GDF1: variants seen among roughly 807,000 people sequenced by gnomAD.
The protein encoded by GDF1 is embryonic growth/differentiation factor 1.
GDF1 carries 8 observed loss-of-function variants against 7.4 expected under a neutral mutation model. The observed-to-expected ratio is 1.09, with a 90% CI of 0.64 to 1.96. The LOEUF is 1.96. GDF1 is among the 30% of genes most tolerant of loss of function. The pLI, the probability that GDF1 is intolerant of heterozygous loss-of-function variation, is 0.00. For missense variants in GDF1, 574 were observed against 551.5 expected (o/e 1.04, Z -0.41); for synonymous variants, 311 against 276.7 (o/e 1.12, Z -1.23).
At position 18,870,749 on chromosome 19, in the gene GDF1, G is replaced by A. The variant is rs1253180707; in HGVS notation, c.-312-130C>T. ...CCCGGCCAGGCCCGGGCCTCGCCTT[G>A]TGGCTTCCTCCTCGCCTTCACCCTG... On this transcript the variant is annotated intron_variant, in intron 6 of 7. Coordinates refer to ENST00000247005, the MANE Select transcript of GDF1 (RefSeq NM_001492.6). The surrounding 1 kb of genome is among the most constrained non-coding windows in gnomAD (Gnocchi z 5.1). 2.2e-6 allele frequency: 1 copy of A among 444,780 alleles called. No homozygotes were observed. Among genetic ancestry groups the A allele is most frequent in the Non-Finnish European group, 4.1e-6 (1 of 245,760 alleles). The allele number at this position is 444,780 out of a possible 1,614,324, so 27.6% of individuals were successfully genotyped here.
Position 18,879,052 on chromosome 19 carries a change from A to G in GDF1, c.-422-13T>C. On this transcript the variant is annotated splice_polypyrimidine_tract_variant and intron_variant, in intron 5 of 7. Coordinates refer to ENST00000247005, the MANE Select transcript of GDF1 (RefSeq NM_001492.6). ...ACGCCACGATGTACTGCGAGAGGGG[A>G]GGGGAGGTGCCAGTGAGAAGAAAGC... 6.2e-7 allele frequency: 1 copy of G among 1,612,214 alleles called. No homozygotes were observed. Among genetic ancestry groups the G allele is most frequent in the Non-Finnish European group, 8.5e-7 (1 of 1,179,552 alleles).
chr19:18,872,415 T>C (rs772696793), intron 6 of GDF1, among the ~76,000 whole-genome samples: 41 of 152,326 alleles, frequency 2.7e-4, no homozygotes, highest in Non-Finnish European at 5.6e-4. Context: ...TGGCGCAATC[T>C]TGGCTCACTG....
intron 6 of GDF1, among the ~76,000 whole-genome samples, chr19:18,872,398 A>G (rs907122603): frequency 6.6e-6 from 1 of 151,546 alleles, no homozygotes; most frequent in African/African-American, 2.4e-5. Flanking sequence ...CCCAGGCTGG[A>G]GTGCAGTGGC....
In GDF1 at chr19:18,869,051, C is replaced by A; in HGVS notation, c.665G>T (p.Arg222Leu). 1 of 1,064,544 alleles carries A rather than the reference C, an allele frequency of 9.4e-7. No individual in the cohort carries two copies. Among genetic ancestry groups the A allele is most frequent in the South Asian group, 4.3e-5 (1 of 23,210 alleles). The allele number at this position is 1,064,544 out of a possible 1,614,324, so 65.9% of individuals were successfully genotyped here. A position where few individuals can be genotyped will look rare whatever the true frequency, so the allele number is the denominator to read the frequency against. Reference protein sequence around the residue: ...SLRLALALRPRAPAACARLAE... With the variant: ...SLRLALALRPLAPAACARLAE... ...CAGGCGCGCGCAGGCGGCAGGGGCC[C>A]GGGGGCGTAGCGCCAGCGCCAGGCG... The change falls in exon 8 of 8, where the codon CGG becomes CTG. Residue 222 changes from arginine to leucine, a missense_variant. Coordinates refer to ENST00000247005, the MANE Select transcript of GDF1 (RefSeq NM_001492.6).
chr19:18,880,203 G>C, intron 4 of GDF1, 71 bp downstream of exon 4: 41 of 1,311,638 alleles, frequency 3.1e-5, no homozygotes, highest in Middle Eastern at 2.9e-4. Flanking sequence ...GCCTGGTCCC[G>C]CCCCTTTTCT....
At chr19:18,884,901 A>G (rs2056313467) in intron 2 of GDF1, among the ~76,000 whole-genome samples, 1 of 150,776 alleles carries the variant, frequency 6.6e-6, no homozygotes. Flanking sequence ...TTTTTAGTAG[A>G]GATGGGCTTT....
At chr19:18,888,260 G>A (rs1440520260) in intron 2 of GDF1, among the ~76,000 whole-genome samples, 1 of 152,148 alleles carries the variant, frequency 6.6e-6, no homozygotes, top group Non-Finnish European at 1.5e-5. Context: ...TCGGGAGGCT[G>A]AGGCAGGAGA....
intron 2 of GDF1, among the ~76,000 whole-genome samples, chr19:18,885,157 T>A (rs2056318348): frequency 6.6e-6 from 1 of 152,224 alleles, no homozygotes; most frequent in African/African-American, 2.4e-5. Flanking sequence ...TTGCTACAAA[T>A]GCTGAACTAA....
In GDF1 at chr19:18,880,427, T is replaced by C. The variant is rs747188121; in HGVS notation, c.-724A>G. 79 of 1,584,466 alleles carry C rather than the reference T, an allele frequency of 5.0e-5. No homozygotes were observed. Among genetic ancestry groups the C allele is most frequent in the Non-Finnish European group, 6.5e-5 (76 of 1,163,612 alleles). On this transcript the variant is annotated 5_prime_UTR_variant, in exon 4 of 8. The change abolishes an upstream ATG in the 5' untranslated region. Coordinates refer to ENST00000247005, the MANE Select transcript of GDF1 (RefSeq NM_001492.6). ...CAGGAAGAGCACAAGGATGCCCACATTGTGGTACCTGGGGGAGCAGCAGGC... is the reference window on the plus strand; with the variant it reads ...CAGGAAGAGCACAAGGATGCCCACACTGTGGTACCTGGGGGAGCAGCAGGC...
Position 18,870,270 on chromosome 19 carries a change from AGGT to A in GDF1, c.35_37del (p.His12del), listed in dbSNP as rs2055944339. 2.6e-6 allele frequency: 4 copies of A among 1,545,390 alleles called. No homozygotes were observed. Among genetic ancestry groups the A allele is most frequent in the African/African-American group, 2.8e-5 (2 of 72,230 alleles). ...CAGCAGCAGGGCCAGGAGGAGGAGG[AGGT>A]GGTGGCCGCAGGGACCTTGCTGCGG... On this transcript the variant is annotated inframe_deletion, in exon 7 of 8. Coordinates refer to ENST00000247005, the MANE Select transcript of GDF1 (RefSeq NM_001492.6). The surrounding 1 kb of genome is among the most constrained non-coding windows in gnomAD (Gnocchi z 5.1).
In GDF1 at chr19:18,884,218, C is replaced by G; in HGVS notation, c.-864G>C. On this transcript the variant is annotated 5_prime_UTR_variant, in exon 3 of 8. Coordinates refer to ENST00000247005, the MANE Select transcript of GDF1 (RefSeq NM_001492.6). ...AGTGGCCATAGAAGCTTCCCTGGAGCAGGTAGGCGGCTGCAATGTCCCGTG... is the reference window on the plus strand; with the variant it reads ...AGTGGCCATAGAAGCTTCCCTGGAGGAGGTAGGCGGCTGCAATGTCCCGTG... The G allele has an allele frequency of 1.2e-6, 2 of 1,613,522 alleles. No homozygotes were observed. Among genetic ancestry groups the G allele is most frequent in the Non-Finnish European group, 1.7e-6 (2 of 1,179,800 alleles).
At chr19:18,874,096 G>A (rs1320421284) in intron 6 of GDF1, among the ~76,000 whole-genome samples, 2 of 152,108 alleles carry the variant, frequency 1.3e-5, no homozygotes, top group Admixed American at 1.3e-4. Context: ...GGCAAGCTGG[G>A]TGAACATCCC....
intron 2 of GDF1, 58 bp from the exon 3 acceptor site, chr19:18,884,325 C>A: frequency 6.6e-7 from 1 of 1,512,506 alleles, no homozygotes; most frequent in South Asian, 1.2e-5. Context: ...CGATCGCCTC[C>A]ATGACCCGGT....
At chr19:18,885,308 C>T (rs2056321653) in intron 2 of GDF1, among the ~76,000 whole-genome samples, 1 of 151,994 alleles carries the variant, frequency 6.6e-6, no homozygotes, top group Non-Finnish European at 1.5e-5. Context: ...TCAAGTGATC[C>T]TCCCACCTCA....
rs776349995 is a variant in GDF1 at position 18,869,967 on chromosome 19, C to G, written c.325+16G>C. The G allele has an allele frequency of 2.5e-6, 4 of 1,572,870 alleles. No homozygotes were observed. The highest frequency in any genetic ancestry group is 2.3e-5 in the South Asian group (2 of 85,840). Reference sequence around the variant, plus strand: ...TGGCCTCCAGGACCAGTGTCCCCAGCGAAAGCCCCACTCACCGCGGTCCGG... The same window carrying G: ...TGGCCTCCAGGACCAGTGTCCCCAGGGAAAGCCCCACTCACCGCGGTCCGG... On this transcript the variant is annotated intron_variant, in intron 7 of 7. Coordinates refer to ENST00000247005, the MANE Select transcript of GDF1 (RefSeq NM_001492.6).
intron 2 of GDF1, among the ~76,000 whole-genome samples, chr19:18,886,544 G>GA (rs1346123821): frequency 1.2e-4 from 19 of 152,088 alleles, no homozygotes; most frequent in Non-Finnish European, 2.5e-4. Flanking sequence ...GACACAGCCA[G>GA]ACCCTGTCTC....
intron 4 of GDF1, 115 bp downstream of exon 4, chr19:18,880,159 C>T: frequency 9.1e-7 from 1 of 1,097,424 alleles, no homozygotes; most frequent in African/African-American, 1.6e-5. Context: ...TGTCATGCCA[C>T]ACACCCACCT....
Position 18,895,956 on chromosome 19 carries a change from G to C in GDF1, c.-1206C>G. ...CGCGACGCGCCAGCCCCCAGCCGCA[G>C]TCCGTGCAGCCCCGCGCCGCCGCCA... On this transcript the variant is annotated 5_prime_UTR_variant, in exon 1 of 8. Transcript: ENST00000247005. This position sits in a 1 kb window ranked among gnomAD's most constrained non-coding sequence, Gnocchi z 6.4. 1 of 1,142,702 alleles carries C rather than the reference G, an allele frequency of 8.8e-7. No homozygotes were observed. The highest frequency in any genetic ancestry group is 2.5e-5 in the South Asian group (1 of 39,454). 70.8% of individuals were successfully genotyped at this position (1,142,702 alleles called of 1,614,324 possible). A position where few individuals can be genotyped will look rare whatever the true frequency, so the allele number is the denominator to read the frequency against.
At chr19:18,879,211 C>T (rs747192512) in intron 5 of GDF1, 30 bp downstream of exon 5, 1 of 1,612,888 alleles carries the variant, frequency 6.2e-7, no homozygotes, top group South Asian at 1.1e-5. Flanking sequence ...ACGGGACCGC[C>T]ACTGTGGAGG....
Sources: gnomAD v4.1 joint callset for allele counts (sites outside exome capture counted in the v4.1 genomes callset) on GRCh38, gnomAD v4.1.1 for gene constraint, Gnocchi (gnomAD v3.1) non-coding constraint, MANE v1.5 for transcripts, NCBI Gene and HGNC (gene_info 2026-07-23, HGNC 2026-07-21) for gene names.